The following MBD2 variants were observed in gnomAD, a reference collection of about 807,000 sequenced individuals.
MBD2 encodes methyl-CpG binding domain protein 2, also known as methyl-CpG-binding domain protein 2.
In MBD2, 9 loss-of-function variants were observed where a neutral mutation model predicts 39.3. The observed-to-expected ratio is 0.23, with a 90% confidence interval of 0.14 to 0.40. MBD2 has a LOEUF of 0.40. Ranked by LOEUF, MBD2 falls within the 10% of genes least tolerant of loss-of-function variation. The probability of loss-of-function intolerance (pLI) is 1.00; values close to 1 mark genes in which losing one functional copy is unlikely to be tolerated. For missense variants in MBD2, 458 were observed against 532.6 expected, an observed-to-expected ratio of 0.86 and a Z score of 1.38; for synonymous variants, 233 against 211.1, an observed-to-expected ratio of 1.10 and a Z score of -0.90.
intron 1 of MBD2, among the ~76,000 whole-genome samples, chr18:54,217,707 T>A (rs2086573009): frequency 6.6e-6 from 1 of 152,238 alleles, no homozygotes; most frequent in Admixed American, 6.5e-5. Context: ...GATATCTCAT[T>A]AACTAAATTT....
At chr18:54,216,581 G>A (rs549135940) in intron 1 of MBD2, among the ~76,000 whole-genome samples, 1 of 152,194 alleles carries the variant, frequency 6.6e-6, no homozygotes, top group African/African-American at 2.4e-5. Flanking sequence ...AGAGTTAACA[G>A]AGTAATACTC....
chr18:54,224,415 C>A lies in MBD2; in HGVS notation c.145G>T (p.Val49Leu), dbSNP rs1198103284. 7.2e-6 allele frequency: 9 copies of A among 1,243,634 alleles called. No individual in the cohort carries two copies. Among genetic ancestry groups the A allele is most frequent in the Non-Finnish European group, 9.0e-6 (9 of 996,250 alleles). The allele number at this position is 1,243,634 out of a possible 1,614,324, so 77.0% of individuals were successfully genotyped here. ...CCGCCCCGAGCGCCTTCCCTGCGCA[C>A]GCCGCTCACCGGGGACGGGGCGAGC... ...SALAPSPVSG[V>L]RREGARGGGR... The change falls in exon 1 of 7, where the codon GTG becomes TTG. Residue 49 changes from valine to leucine, a missense_variant. Around this residue, in one of 2 missense-constraint regions of MBD2, gnomAD observed 269 missense variants for 236.0 expected, o/e 1.14. Coordinates refer to ENST00000256429, the MANE Select transcript of MBD2 (RefSeq NM_003927.5).
At chr18:54,208,767 C>A (rs1417021447) in intron 1 of MBD2, among the ~76,000 whole-genome samples, 4 of 152,154 alleles carry the variant, frequency 2.6e-5, no homozygotes, top group Non-Finnish European at 4.4e-5. Flanking sequence ...GTTGAAATGT[C>A]AGTTATCCAC....
intron 4 of MBD2, 92 bp from the exon 5 acceptor site, chr18:54,164,792 A>G (rs2086119510): frequency 1.0e-6 from 1 of 993,294 alleles, no homozygotes; most frequent in Admixed American, 2.3e-5. Flanking sequence ...TTTTATATTC[A>G]TTTGGGATCA....
intron 1 of MBD2, among the ~76,000 whole-genome samples, chr18:54,220,121 A>G (rs1005141012): frequency 1.3e-5 from 2 of 152,156 alleles, no homozygotes; most frequent in Admixed American, 6.5e-5. Flanking sequence ...TTTTTTAAAA[A>G]AGGCAAGAGG....
chr18:54,175,697 CCTT>C (rs2086207335), intron 3 of MBD2, among the ~76,000 whole-genome samples: 1 of 152,140 alleles, frequency 6.6e-6, no homozygotes, highest in Admixed American at 6.6e-5. Context: ...TCATTCTTTT[CCTT>C]CTAACCCAGG....
chr18:54,153,797 C>T lies in MBD2; in HGVS notation c.*1527G>A, dbSNP rs376088491. ...ACAAGTTTCCCTGCTCATCCACCAGCAGGACTGCTTCAAGGAAACTAATGG... is the reference window on the plus strand; with the variant it reads ...ACAAGTTTCCCTGCTCATCCACCAGTAGGACTGCTTCAAGGAAACTAATGG... On this transcript the variant is annotated 3_prime_UTR_variant, in exon 7 of 7. Transcript: ENST00000256429. 5 of 152,262 alleles carry T rather than the reference C, an allele frequency of 3.3e-5. No individual in the cohort carries two copies. Among genetic ancestry groups the T allele is most frequent in the African/African-American group, 1.2e-4 (5 of 41,458 alleles). 9.4% of individuals were successfully genotyped at this position (152,262 alleles called of 1,614,324 possible).
intron 2 of MBD2, among the ~76,000 whole-genome samples, chr18:54,193,462 T>C (rs1407108704): frequency 6.6e-6 from 1 of 152,152 alleles, no homozygotes; most frequent in Non-Finnish European, 1.5e-5. Context: ...TAATAATGTG[T>C]ATATTAGGCT....
At chr18:54,168,584 TA>T (rs1555660096) in intron 3 of MBD2, among the ~76,000 whole-genome samples, 7 of 60,830 alleles carry the variant, frequency 1.2e-4, no homozygotes, top group African/African-American at 5.8e-4. Context: ...TATATATATA[TA>T]TATATATATA....
At chr18:54,200,730 G>A (rs35551191) in intron 2 of MBD2, among the ~76,000 whole-genome samples, 53,136 of 148,826 alleles carry the variant, frequency 0.36, 10,282 homozygotes, top group East Asian at 0.57. Flanking sequence ...GCAAAGCTCC[G>A]TGCTGTTCAA....
chr18:54,195,494 A>G (rs1367109560), intron 2 of MBD2, among the ~76,000 whole-genome samples: 1 of 152,100 alleles, frequency 6.6e-6, no homozygotes, highest in Non-Finnish European at 1.5e-5. Flanking sequence ...AGATACTCCA[A>G]TTTGAGAAGC....
chr18:54,197,168 T>G (rs2086373227), intron 2 of MBD2, among the ~76,000 whole-genome samples: 2 of 152,218 alleles, frequency 1.3e-5, no homozygotes, highest in Non-Finnish European at 2.9e-5. Flanking sequence ...ACTGTCCAAG[T>G]CATCATCATC....
chr18:54,200,740 A>G (rs1490872493), intron 2 of MBD2, among the ~76,000 whole-genome samples: 1 of 149,060 alleles, frequency 6.7e-6, no homozygotes, highest in African/African-American at 2.6e-5. Context: ...GTGCTGTTCA[A>G]TAGGATAGTG....
intron 2 of MBD2, among the ~76,000 whole-genome samples, chr18:54,196,680 A>T (rs1716080549): frequency 6.6e-6 from 1 of 152,162 alleles, no homozygotes; most frequent in Admixed American, 6.5e-5. Flanking sequence ...TACCAAACAA[A>T]TCTTGTTAAA....
chr18:54,219,442 A>C (rs533854130), intron 1 of MBD2, among the ~76,000 whole-genome samples: 10 of 152,348 alleles, frequency 6.6e-5, no homozygotes, highest in African/African-American at 2.4e-4. Flanking sequence ...GTCGAGGGGA[A>C]AGACAGCTAT....
chr18:54,164,681 A>G lies in MBD2; in HGVS notation c.951T>C (p.Asn317=). ...CAACAGCAGATAAAAGGGTCTCATC[A>G]TTGCTACCTGGACCAACTCCTGCAA... is the stretch of plus-strand genomic sequence containing the variant. ...KGLQGVGPGS[N]DETLLSAVAS... Residue 317 remains asparagine, a synonymous_variant, in exon 5 of 7, where the codon AAT becomes AAC. Coordinates refer to ENST00000256429, the MANE Select transcript of MBD2 (RefSeq NM_003927.5). 1 of 1,608,902 alleles carries G rather than the reference A, an allele frequency of 6.2e-7. No homozygotes were observed. Among genetic ancestry groups the G allele is most frequent in the East Asian group, 2.2e-5 (1 of 44,716 alleles).
At chr18:54,168,958 T>TTGCATTTTAAAA (rs2086158522) in intron 3 of MBD2, among the ~76,000 whole-genome samples, 1 of 152,086 alleles carries the variant, frequency 6.6e-6, no homozygotes, top group South Asian at 2.1e-4. Flanking sequence ...CAAGGATTCT[T>TTGCATTTTAAAA]TGCATTTTAA....
intron 3 of MBD2, among the ~76,000 whole-genome samples, chr18:54,176,022 A>T (rs145074356): frequency 8.5e-5 from 13 of 152,376 alleles, no homozygotes; most frequent in African/African-American, 2.9e-4. Flanking sequence ...ATATGAGGAC[A>T]ACAGTGTTAA....
chr18:54,202,295 T>G (rs537150152), intron 2 of MBD2, among the ~76,000 whole-genome samples: 3 of 152,154 alleles, frequency 2.0e-5, no homozygotes, highest in African/African-American at 7.2e-5. Context: ...CCCACTGCAC[T>G]CCAGCCTGGG....
Sources: allele counts gnomAD v4.1 joint callset (sites outside exome capture counted in the v4.1 genomes callset), GRCh38; gene constraint gnomAD v4.1.1; regional missense constraint gnomAD v4.1.1; transcripts MANE v1.5; gene names NCBI Gene and HGNC (gene_info 2026-07-23, HGNC 2026-07-21).